The following LPP variants were observed in gnomAD, a reference collection of about 807,000 sequenced individuals.
The protein encoded by LPP is LIM domain containing preferred translocation partner in lipoma.
LPP carries 38 observed loss-of-function variants against 60.4 expected under a neutral mutation model. That is an observed-to-expected ratio of 0.63 (90% confidence interval 0.49 to 0.83). The LOEUF (loss-of-function observed/expected upper bound fraction) is 0.83. LPP is among the 40% of genes least tolerant of loss of function. The probability of loss-of-function intolerance (pLI) is 0.00; values close to 1 mark genes in which losing one functional copy is unlikely to be tolerated. For missense variants in LPP, 902 were observed against 783.6 expected, an observed-to-expected ratio of 1.15 and a Z score of -1.80; for synonymous variants, 328 against 290.8, an observed-to-expected ratio of 1.13 and a Z score of -1.30.
At chr3:188,452,711 C>G (rs1288172063) in intron 4 of LPP, among the ~76,000 whole-genome samples, 1 of 152,178 alleles carries the variant, frequency 6.6e-6, no homozygotes, top group East Asian at 1.9e-4. Flanking sequence ...TTACTGGCTT[C>G]TGCCTAATTT....
intron 7 of LPP, among the ~76,000 whole-genome samples, chr3:188,643,634 C>T (rs1185274311): frequency 6.6e-6 from 1 of 152,004 alleles, no homozygotes. Context: ...TGTGATGTCT[C>T]CTGTCCTGTG....
intron 9 of LPP, among the ~76,000 whole-genome samples, chr3:188,781,908 A>C (rs1366701099): frequency 6.9e-6 from 1 of 143,906 alleles, no homozygotes; most frequent in Non-Finnish European, 1.5e-5. Context: ...AAAAAAAAAA[A>C]ATCTATCACC....
chr3:188,873,087 A>C (rs1454413596), intron 11 of LPP, among the ~76,000 whole-genome samples: 2 of 152,210 alleles, frequency 1.3e-5, no homozygotes, highest in African/African-American at 2.4e-5. Context: ...AAATGGTGTT[A>C]TTGAACATTT....
At chr3:188,524,811 C>G in intron 6 of LPP, 24 bp downstream of exon 6, 1 of 1,605,444 alleles carries the variant, frequency 6.2e-7, no homozygotes. Context: ...ACAATCATCT[C>G]CACACAGCCA....
intron 4 of LPP, among the ~76,000 whole-genome samples, chr3:188,474,834 A>G (rs1291955281): frequency 6.6e-6 from 1 of 152,160 alleles, no homozygotes; most frequent in Admixed American, 6.5e-5. Context: ...AGCTCAACTC[A>G]TTGTCCTATT....
intron 1 of LPP, among the ~76,000 whole-genome samples, chr3:188,209,057 T>C (rs1734027186): frequency 1.3e-5 from 2 of 152,188 alleles, no homozygotes; most frequent in East Asian, 1.9e-4. Context: ...AATCTCCAAT[T>C]TTCAGGTGTA....
At chr3:188,819,027 CGTGTGTGTGTGTGTGTGTGT>C (rs59994224) in intron 9 of LPP, among the ~76,000 whole-genome samples, 7 of 142,196 alleles carry the variant, frequency 4.9e-5, no homozygotes, top group Admixed American at 2.8e-4. Flanking sequence ...TCATGGGGGT[CGTGTGTGTGTGTGTGTGTGT>C]GTGTGTGTGT....
chr3:188,444,710 G>A (rs1230918093), intron 4 of LPP, among the ~76,000 whole-genome samples: 1 of 152,004 alleles, frequency 6.6e-6, no homozygotes, highest in African/African-American at 2.4e-5. Flanking sequence ...CTACAGAATG[G>A]GAGAAAATTT....
intron 4 of LPP, among the ~76,000 whole-genome samples, chr3:188,431,865 C>T (rs1790972767): frequency 6.6e-6 from 1 of 152,152 alleles, no homozygotes; most frequent in Non-Finnish European, 1.5e-5. Flanking sequence ...CATAGAATAT[C>T]GTGAATTTAG....
chr3:188,213,006 A>G (rs968028319), intron 1 of LPP: 1 of 152,190 alleles, frequency 6.6e-6, no homozygotes, highest in Non-Finnish European at 1.5e-5. Context: ...TCAAGACAAG[A>G]TCGGCCTGAA....
chr3:188,315,424 T>A (rs1754736041), intron 2 of LPP, among the ~76,000 whole-genome samples: 1 of 152,140 alleles, frequency 6.6e-6, no homozygotes, highest in African/African-American at 2.4e-5. Context: ...CTACTTTTTC[T>A]AGGTTTATTT....
chr3:188,451,574 G>C (rs1345452876), intron 4 of LPP, among the ~76,000 whole-genome samples: 1 of 152,166 alleles, frequency 6.6e-6, no homozygotes, highest in Non-Finnish European at 1.5e-5. Flanking sequence ...GGAACCTTTA[G>C]TGTGGTCAAG....
At chr3:188,503,237 A>G (rs994963707) in intron 5 of LPP, among the ~76,000 whole-genome samples, 2 of 152,162 alleles carry the variant, frequency 1.3e-5, no homozygotes, top group African/African-American at 2.4e-5. Context: ...CTTAGATAAC[A>G]TACAAAATTC....
intron 2 of LPP, among the ~76,000 whole-genome samples, chr3:188,335,102 G>A (rs911545778): frequency 6.6e-6 from 1 of 152,178 alleles, no homozygotes; most frequent in Admixed American, 6.5e-5. Flanking sequence ...GAGCATCTTT[G>A]TCTTGTTCCA....
rs537670365 is a variant in LPP, at chr3:188,708,180, C to G, written c.1114-87C>G. ...AGCCACGTCCAGTGCTTTTTCCTCT[C>G]CAGTGCAATCGCTGCTTGTTTAGGC... On this transcript the variant is annotated intron_variant, in intron 7 of 11. Coordinates refer to ENST00000617246, the MANE Select transcript of LPP (RefSeq NM_001375462.1). 2.5e-5 allele frequency: 37 copies of G among 1,485,160 alleles called. No individual in the cohort carries two copies. In the East Asian group the frequency reaches 8.4e-4, roughly 34 times the overall value. 92.0% of individuals were successfully genotyped at this position (1,485,160 alleles called of 1,614,324 possible).
chr3:188,843,223 A>C (rs952987150), intron 9 of LPP, among the ~76,000 whole-genome samples: 1 of 152,288 alleles, frequency 6.6e-6, no homozygotes. Context: ...ATTTGCCATG[A>C]GGGGCTGTGA....
intron 4 of LPP, among the ~76,000 whole-genome samples, chr3:188,453,859 G>A (rs780305357): frequency 2.2e-4 from 34 of 151,888 alleles, no homozygotes; most frequent in Non-Finnish European, 4.0e-4. Flanking sequence ...AACAGCTCTG[G>A]GCCACAAATA....
intron 5 of LPP, among the ~76,000 whole-genome samples, chr3:188,498,845 A>G (rs536806349): frequency 2.0e-5 from 3 of 152,236 alleles, no homozygotes; most frequent in Admixed American, 1.3e-4. Context: ...AGCCATCCTA[A>G]TGGGTGCAGA....
chr3:188,408,694 T>C (rs1560365907), intron 4 of LPP, among the ~76,000 whole-genome samples: 1 of 152,202 alleles, frequency 6.6e-6, no homozygotes, highest in Non-Finnish European at 1.5e-5. Flanking sequence ...ATGTAGTATA[T>C]GCCAGGCTCT....
Sources: allele counts gnomAD v4.1 joint callset (sites outside exome capture counted in the v4.1 genomes callset), GRCh38; gene constraint gnomAD v4.1.1; transcripts MANE v1.5; gene names NCBI Gene and HGNC (gene_info 2026-07-23, HGNC 2026-07-21).